The following ABHD18 variants were observed in gnomAD, a reference collection of about 807,000 sequenced individuals.
The protein encoded by ABHD18 is cardiolipin-specific deacylase, mitochondrial.
A neutral mutation model predicts 65.9 loss-of-function variants in ABHD18; 55 were observed. That is an observed-to-expected ratio of 0.84 (90% confidence interval 0.67 to 1.05). The LOEUF is 1.05. Ranked by LOEUF, ABHD18 falls within the 50% of genes least tolerant of loss-of-function variation. ABHD18 has a pLI of 0.00. For synonymous variants in ABHD18, 181 were observed against 180.2 expected (o/e 1.00, Z -0.04); for missense variants, 533 against 558.5 (o/e 0.95, Z 0.46).
chr4:127,980,070 T>A (rs1020154750), intron 1 of ABHD18, among the ~76,000 whole-genome samples: 2 of 152,214 alleles, frequency 1.3e-5, no homozygotes, highest in African/African-American at 4.8e-5. Context: ...GTGGCTTAAA[T>A]GTGTTCCCGA....
rs1579514441 is a variant in ABHD18 at position 128,039,156 on chromosome 4, T to TACACAC, written c.*3344_*3345insCACACA. On this transcript the variant is annotated 3_prime_UTR_variant, in exon 13 of 13. Transcript: ENST00000645843. The stretch of plus-strand genomic sequence containing the variant: ...ATACACACATATGCATATATATATA[T>TACACAC]ATATATATATATATATATATATATA... 17 of 86,306 alleles carry TACACAC rather than the reference T, an allele frequency of 2.0e-4. No homozygotes were observed. In the East Asian group the frequency reaches 6.7e-3, roughly 34 times the overall value. 5.3% of individuals were successfully genotyped at this position (86,306 alleles called of 1,614,324 possible).
In ABHD18 at chr4:128,001,860, T is replaced by C. The variant is rs1036636958; in HGVS notation, c.279-7060T>C. 4.3e-5 allele frequency: 54 copies of C among 1,269,102 alleles called. No individual in the cohort carries two copies. In the Middle Eastern group the frequency reaches 7.1e-4, roughly 17 times the overall value. 78.6% of individuals were successfully genotyped at this position (1,269,102 alleles called of 1,614,324 possible). A position where few individuals can be genotyped will look rare whatever the true frequency, so the allele number is the denominator to read the frequency against. On this transcript the variant is annotated intron_variant, in intron 4 of 12. Transcript: ENST00000645843. ...TGTTTTGTTTTGTTTTTTTTTTTAA[T>C]TCCTTGTGCCTGCCACTCAGAAGAC... is the stretch of plus-strand genomic sequence containing the variant.
rs1278901434 is a variant in ABHD18 at position 128,038,002 on chromosome 4, AT to A, written c.*2194del. Reference sequence around the variant, plus strand: ...TTGAAATCTGTGTTGTCTGTGAATTATTTTTAAATAGGGATTCTTAGTCTAC... The same window carrying A: ...TTGAAATCTGTGTTGTCTGTGAATTATTTTAAATAGGGATTCTTAGTCTAC... On this transcript the variant is annotated 3_prime_UTR_variant, in exon 13 of 13. Transcript: ENST00000645843. 1 of 152,150 alleles carries A rather than the reference AT, an allele frequency of 6.6e-6. No individual in the cohort carries two copies. Among genetic ancestry groups the A allele is most frequent in the Admixed American group, 6.6e-5 (1 of 15,252 alleles). 9.4% of individuals were successfully genotyped at this position (152,150 alleles called of 1,614,324 possible). A position where few individuals can be genotyped will look rare whatever the true frequency, so the allele number is the denominator to read the frequency against.
rs2149209487 is a variant in ABHD18, at chr4:128,039,072, A to G, written c.*3259A>G. On this transcript the variant is annotated 3_prime_UTR_variant, in exon 13 of 13. Transcript: ENST00000645843. Reference sequence around the variant, plus strand: ...ACGTATATGTATACGTTTTATATATATATACACACACACGTATGTGTGTAT... The same window carrying G: ...ACGTATATGTATACGTTTTATATATGTATACACACACACGTATGTGTGTAT... 1 of 144,866 alleles carries G rather than the reference A, an allele frequency of 6.9e-6. No individual in the cohort carries two copies. Among genetic ancestry groups the G allele is most frequent in the Admixed American group, 7.3e-5 (1 of 13,670 alleles). 9.0% of individuals were successfully genotyped at this position (144,866 alleles called of 1,614,324 possible).
At chr4:127,998,314 G>GCT (rs1752092051) in intron 4 of ABHD18, among the ~76,000 whole-genome samples, 1 of 109,224 alleles carries the variant, frequency 9.2e-6, no homozygotes, top group Admixed American at 1.3e-4. Context: ...ATGGAGTCTT[G>GCT]CTCTGTCGCC....
At chr4:128,017,558 G>T in intron 8 of ABHD18, 57 bp downstream of exon 8, 7 of 1,451,814 alleles carry the variant, frequency 4.8e-6, no homozygotes, top group South Asian at 1.3e-5. Context: ...AAGATCTAGA[G>T]AACCTGGTTA....
intron 10 of ABHD18, among the ~76,000 whole-genome samples, chr4:128,026,591 G>A (rs921996831): frequency 2.0e-5 from 3 of 151,836 alleles, no homozygotes; most frequent in South Asian, 2.1e-4. Flanking sequence ...AAAGTGATTT[G>A]CCATTTGTAA....
chr4:128,029,085 C>T (rs529214888), intron 11 of ABHD18, among the ~76,000 whole-genome samples: 20 of 152,086 alleles, frequency 1.3e-4, no homozygotes, highest in African/African-American at 4.3e-4. Context: ...GGTGTGGTTG[C>T]TCATGCCTGT....
intron 7 of ABHD18, among the ~76,000 whole-genome samples, chr4:128,014,183 A>T (rs570557617): frequency 4.0e-5 from 6 of 151,830 alleles, no homozygotes; most frequent in African/African-American, 1.4e-4. Flanking sequence ...GGGTTTCTCC[A>T]TGTTGGTCAG....
chr4:128,016,976 G>C (rs1755623538), intron 7 of ABHD18, among the ~76,000 whole-genome samples: 1 of 151,746 alleles, frequency 6.6e-6, no homozygotes, highest in South Asian at 2.1e-4. Flanking sequence ...GGAGTACAGT[G>C]GTGCAGTCTC....
At chr4:128,019,058 A>G (rs1286284448) in intron 8 of ABHD18, among the ~76,000 whole-genome samples, 1 of 152,080 alleles carries the variant, frequency 6.6e-6, no homozygotes, top group Non-Finnish European at 1.5e-5. Flanking sequence ...CTGACAGTGA[A>G]ACAAAAGATG....
At chr4:128,013,298 T>C (rs1754889517) in intron 7 of ABHD18, among the ~76,000 whole-genome samples, 1 of 152,146 alleles carries the variant, frequency 6.6e-6, no homozygotes, top group South Asian at 2.1e-4. Flanking sequence ...GTAGTGACTT[T>C]AGTTTAACTA....
intron 12 of ABHD18, chr4:128,031,083 A>G (rs958807503): frequency 2.0e-6 from 2 of 990,986 alleles, no homozygotes; most frequent in African/African-American, 3.5e-5. Context: ...TAGCAAGTGA[A>G]TATTGAACCT....
chr4:128,030,747 A>G, intron 12 of ABHD18, 75 bp downstream of exon 12: 1 of 1,519,914 alleles, frequency 6.6e-7, no homozygotes, highest in Non-Finnish European at 8.7e-7. Flanking sequence ...AACAAATGTA[A>G]AAGATCACAT....
chr4:128,000,078 C>G (rs1409989392), intron 4 of ABHD18, among the ~76,000 whole-genome samples: 1 of 152,182 alleles, frequency 6.6e-6, no homozygotes, highest in Non-Finnish European at 1.5e-5. Flanking sequence ...GACTTATTCA[C>G]TATCACACGA....
In ABHD18 at chr4:128,006,919, G is replaced by GA. The variant is rs571434183; in HGVS notation, c.279-1997dup. ...GGGCAACATAAGGAGACTGTCTCCA[G>GA]AAAATTAAAAGAAATTAGTTGTTCA... On this transcript the variant is annotated intron_variant, in intron 4 of 12. Coordinates refer to ENST00000645843, the MANE Select transcript of ABHD18 (RefSeq NM_001358451.3). 7.1e-3 allele frequency among the ~76,000 whole-genome samples: 1,080 copies of GA among 152,248 alleles called. 15 individuals carry two copies. The highest frequency in any genetic ancestry group is 0.025 in the African/African-American group (1,019 of 41,550).
chr4:127,996,716 A>G (rs530351530), intron 4 of ABHD18, among the ~76,000 whole-genome samples: 6 of 152,302 alleles, frequency 3.9e-5, no homozygotes, highest in African/African-American at 1.2e-4. Flanking sequence ...TCAACTGCAT[A>G]AGACAGACAC....
At chr4:127,982,472 A>G (rs527590418) in intron 1 of ABHD18, among the ~76,000 whole-genome samples, 1 of 152,270 alleles carries the variant, frequency 6.6e-6, no homozygotes. Flanking sequence ...TATGTTTCCC[A>G]CTAGCTGTGT....
intron 7 of ABHD18, among the ~76,000 whole-genome samples, chr4:128,012,239 A>C (rs1400866518): frequency 6.6e-6 from 1 of 152,330 alleles, no homozygotes; most frequent in Non-Finnish European, 1.5e-5. Flanking sequence ...GGCCTCCCAA[A>C]GTGCTGGGAT....
Sources: gnomAD v4.1 joint callset for allele counts (sites outside exome capture counted in the v4.1 genomes callset) on GRCh38, gnomAD v4.1.1 for gene constraint, MANE v1.5 for transcripts, NCBI Gene and HGNC (gene_info 2026-07-23, HGNC 2026-07-21) for gene names.